Variants in PCDH15 observed in about 807,000 individuals in gnomAD.
The protein encoded by PCDH15 is protocadherin-15.
Under a neutral mutation model 178.5 loss-of-function variants are expected in PCDH15, and 129 were observed. The ratio of observed to expected loss-of-function variants is 0.72; its 90% CI spans 0.63 to 0.84. The LOEUF (loss-of-function observed/expected upper bound fraction) is 0.84. PCDH15 is among the 40% of genes least tolerant of loss of function. PCDH15 has a pLI of 0.00. For synonymous variants in PCDH15, 800 were observed against 732.0 expected (o/e 1.09, Z -1.50); for missense variants, 2,230 against 2,099.9 (o/e 1.06, Z -1.21).
chr10:54,274,616 T>TTGTGTGTG lies in PCDH15; in HGVS notation c.877-37693_877-37686dup, dbSNP rs3069673. On this transcript the variant is annotated intron_variant, in intron 8 of 37. Transcript: ENST00000644397. ...TGATTCGAAACAAAACTCAGTTTAA[T>TTGTGTGTG]TGTGTGTGTGTGTGTGTGTGTGTGT... Among the ~76,000 whole-genome samples, 445 of 144,744 alleles carry TTGTGTGTG rather than the reference T, an allele frequency of 3.1e-3. 1 individual carries two copies. Among genetic ancestry groups the TTGTGTGTG allele is most frequent in the Non-Finnish European group, 4.1e-3 (267 of 65,562 alleles). The allele number at this position is 144,744 out of a possible 152,430, so 95.0% of individuals were successfully genotyped here. A position where few individuals can be genotyped will look rare whatever the true frequency, so the allele number is the denominator to read the frequency against.
intron 3 of PCDH15, among the ~76,000 whole-genome samples, chr10:54,465,734 T>A (rs2077475461): frequency 6.6e-6 from 1 of 152,032 alleles, no homozygotes. Flanking sequence ...ATATACTGAT[T>A]TCTTCTCTTT....
chr10:54,751,940 A>G (rs898961380), intron 1 of PCDH15, among the ~76,000 whole-genome samples: 4 of 152,214 alleles, frequency 2.6e-5, no homozygotes, highest in Non-Finnish European at 4.4e-5. Flanking sequence ...AACATTACCT[A>G]CTACAAATAA....
intron 2 of PCDH15, among the ~76,000 whole-genome samples, chr10:55,605,515 A>G (rs1475088360): frequency 1.1e-4 from 16 of 150,620 alleles, no homozygotes; most frequent in African/African-American, 9.8e-5. Flanking sequence ...CTGGCAAACC[A>G]AATCCAGCAG....
At chr10:54,803,255 T>C (rs1283504786), upstream of PCDH15, among the ~76,000 whole-genome samples, 1 of 152,218 alleles carries the variant, frequency 6.6e-6, no homozygotes, top group African/African-American at 2.4e-5. Flanking sequence ...TATAAACACA[T>C]ATAGGTTTAA....
intron 2 of PCDH15, among the ~76,000 whole-genome samples, chr10:55,151,058 T>C (rs539258950): frequency 3.3e-5 from 5 of 152,212 alleles, no homozygotes; most frequent in African/African-American, 9.6e-5. Context: ...TATTTGCCTA[T>C]TCAACAATGA....
At chr10:54,331,376 A>G (rs749480710) in intron 6 of PCDH15, among the ~76,000 whole-genome samples, 6 of 151,912 alleles carry the variant, frequency 3.9e-5, no homozygotes, top group Admixed American at 6.6e-5. Context: ...TGTGCTCCTC[A>G]TGTAATGGGC....
intron 8 of PCDH15, among the ~76,000 whole-genome samples, chr10:54,249,889 A>G (rs12264121): frequency 0.16 from 24,973 of 151,984 alleles, 4,912 homozygotes; most frequent in African/African-American, 0.48. Flanking sequence ...TTGAAAAACT[A>G]TATTTTCCCA....
intron 2 of PCDH15, among the ~76,000 whole-genome samples, chr10:55,562,188 C>A: frequency 6.6e-6 from 1 of 151,890 alleles, no homozygotes; most frequent in East Asian, 1.9e-4. Context: ...TATAACAAAG[C>A]ACTGAAGAAC....
intron 27 of PCDH15, among the ~76,000 whole-genome samples, chr10:53,866,212 C>T (rs2079438825): frequency 6.6e-6 from 1 of 152,000 alleles, no homozygotes; most frequent in Non-Finnish European, 1.5e-5. Flanking sequence ...TTCTCAATTA[C>T]AAAATGCTGA....
intron 2 of PCDH15, among the ~76,000 whole-genome samples, chr10:55,079,257 TG>T (rs1467303806): frequency 6.6e-6 from 1 of 152,190 alleles, no homozygotes; most frequent in Non-Finnish European, 1.5e-5. Flanking sequence ...TTGCTTTCTT[TG>T]GGGGATGTTT....
intron 20 of PCDH15, among the ~76,000 whole-genome samples, chr10:54,010,808 C>G (rs113917235): frequency 3.9e-5 from 6 of 152,276 alleles, no homozygotes; most frequent in African/African-American, 1.4e-4. Context: ...CACTCTTTAC[C>G]AGGCAGTGCC....
At chr10:54,112,015 C>A (rs569999057) in intron 15 of PCDH15, among the ~76,000 whole-genome samples, 4 of 148,766 alleles carry the variant, frequency 2.7e-5, no homozygotes, top group African/African-American at 7.4e-5. Context: ...TGGTGGTGGG[C>A]GCCTGTAATC....
chr10:54,144,066 C>T (rs927136672), intron 14 of PCDH15, among the ~76,000 whole-genome samples: 1 of 113,008 alleles, frequency 8.8e-6, no homozygotes, highest in Non-Finnish European at 1.7e-5. Context: ...CCTGCTATGA[C>T]TTGCCTTTGT....
chr10:53,989,560 T>C (rs999112633), intron 21 of PCDH15, among the ~76,000 whole-genome samples: 2 of 152,146 alleles, frequency 1.3e-5, no homozygotes, highest in African/African-American at 4.8e-5. Context: ...TCTAATTAAG[T>C]ATTTGAGACA....
chr10:54,858,929 G>A (rs1953788697), intron 3 of PCDH15, among the ~76,000 whole-genome samples: 1 of 151,978 alleles, frequency 6.6e-6, no homozygotes, highest in African/African-American at 2.4e-5. Flanking sequence ...GGGCCACAAT[G>A]ATATAATTCC....
chr10:54,843,615 C>T (rs920887825), intron 3 of PCDH15, among the ~76,000 whole-genome samples: 36 of 152,064 alleles, frequency 2.4e-4, no homozygotes, highest in Admixed American at 1.6e-3. Context: ...CATACATTTG[C>T]TCAATTCTTA....
chr10:54,174,540 A>C (rs1416064958), intron 13 of PCDH15, among the ~76,000 whole-genome samples: 1 of 151,968 alleles, frequency 6.6e-6, no homozygotes, highest in African/African-American at 2.4e-5. Context: ...GAAAAAAAGA[A>C]AAACAGGTAG....
intron 3 of PCDH15, among the ~76,000 whole-genome samples, chr10:54,420,535 T>G (rs540560574): frequency 6.6e-6 from 1 of 152,176 alleles, no homozygotes; most frequent in Admixed American, 6.5e-5. Context: ...CAGGTCAAAC[T>G]AGGATGTTTG....
At chr10:54,187,819 T>A (rs1051248380) in intron 11 of PCDH15, among the ~76,000 whole-genome samples, 2 of 151,820 alleles carry the variant, frequency 1.3e-5, no homozygotes, top group African/African-American at 2.4e-5. Flanking sequence ...TACTGGTAAA[T>A]ATCCTCGTAT....
Sources: gnomAD v4.1 joint callset for allele counts (sites outside exome capture counted in the v4.1 genomes callset) on GRCh38, gnomAD v4.1.1 for gene constraint, MANE v1.5 for transcripts, NCBI Gene and HGNC (gene_info 2026-07-23, HGNC 2026-07-21) for gene names.